STOX2: variants seen among roughly 807,000 people sequenced by gnomAD.
STOX2 encodes storkhead-box protein 2.
A neutral mutation model predicts 60.9 loss-of-function variants in STOX2; 28 were observed. The ratio of observed to expected loss-of-function variants is 0.46; its 90% CI spans 0.34 to 0.63. The LOEUF (loss-of-function observed/expected upper bound fraction) is 0.63. Among genes scored for constraint, STOX2 ranks in the 30% least tolerant of loss-of-function variants. STOX2 has a pLI of 0.01. For synonymous variants in STOX2, 472 were observed against 463.9 expected (o/e 1.02, Z -0.22); for missense variants, 1,024 against 1,187.7 (o/e 0.86, Z 2.03).
At chr4:183,852,747 T>A (rs79725557) in intron 1 of STOX2, among the ~76,000 whole-genome samples, 1,640 of 152,346 alleles carry the variant, frequency 0.011, 26 homozygotes, top group African/African-American at 0.033. Flanking sequence ...GAAATTAATT[T>A]AAACCTATTT....
intron 1 of STOX2, among the ~76,000 whole-genome samples, chr4:183,822,446 C>A (rs565542734): frequency 8.5e-5 from 13 of 152,294 alleles, no homozygotes; most frequent in African/African-American, 2.4e-4. Flanking sequence ...TATACACTCA[C>A]CATCATGTAG....
chr4:183,905,500 C>T lies in STOX2; in HGVS notation c.-1291C>T, dbSNP rs906602599. 1 of 152,260 alleles carries T rather than the reference C, an allele frequency of 6.6e-6. No homozygotes were observed. The highest frequency in any genetic ancestry group is 2.1e-4 in the South Asian group (1 of 4,834). The allele number at this position is 152,260 out of a possible 1,614,324, so 9.4% of individuals were successfully genotyped here. A position where few individuals can be genotyped will look rare whatever the true frequency, so the allele number is the denominator to read the frequency against. ...TGTGGGGGAGCTCGCCGTGGCCTCCCCTCCCTCTGGCTTTAGCTTCCTTTG... is the reference window on the plus strand; with the variant it reads ...TGTGGGGGAGCTCGCCGTGGCCTCCTCTCCCTCTGGCTTTAGCTTCCTTTG... On this transcript the variant is annotated 5_prime_UTR_variant, in exon 1 of 4. Coordinates refer to ENST00000308497, the MANE Select transcript of STOX2 (RefSeq NM_020225.3).
chr4:183,957,660 G>T (rs768035074), intron 1 of STOX2, among the ~76,000 whole-genome samples: 15 of 152,164 alleles, frequency 9.9e-5, no homozygotes, highest in African/African-American at 3.6e-4. Context: ...TCTTGTCCCC[G>T]TGTCTTTTGA....
chr4:183,834,610 C>T (rs1739657956), intron 1 of STOX2, among the ~76,000 whole-genome samples: 1 of 152,126 alleles, frequency 6.6e-6, no homozygotes, highest in Non-Finnish European at 1.5e-5. Context: ...TATATATTCC[C>T]CAGTTGTCGC....
chr4:183,803,589 C>T lies in STOX2; in HGVS notation c.364+5534C>T, dbSNP rs540176397. Among the ~76,000 whole-genome samples the T allele has an allele frequency of 5.3e-5, 8 of 152,296 alleles. No individual in the cohort carries two copies. In the South Asian group the frequency reaches 1.7e-3, roughly 32 times the overall value. ...ACCAGTTCCTGGGATGTGTTCTAGGCACTGAAGTGGAGAACAAGTCAGATA... is the reference window on the plus strand; with the variant it reads ...ACCAGTTCCTGGGATGTGTTCTAGGTACTGAAGTGGAGAACAAGTCAGATA... On this transcript the variant is annotated intron_variant, in intron 1 of 2. Coordinates refer to the STOX2 transcript ENST00000513034.
rs907956733 is a variant in STOX2, at chr4:184,009,066, C to T, written c.320-92C>T. Reference sequence around the variant, plus strand: ...GCATCCTAGCTCTGTGATGGTACTTCGCATCTTGGCGAATGAATAGGATCC... The same window carrying T: ...GCATCCTAGCTCTGTGATGGTACTTTGCATCTTGGCGAATGAATAGGATCC... On this transcript the variant is annotated intron_variant, in intron 2 of 3. Transcript: ENST00000308497. This position sits in a 1 kb window ranked among gnomAD's most constrained non-coding sequence, Gnocchi z 4.0. 8 of 990,094 alleles carry T rather than the reference C, an allele frequency of 8.1e-6. No homozygotes were observed. The Admixed American group carries it at 1.2e-4, about 15-fold the overall frequency. 61.3% of individuals were successfully genotyped at this position (990,094 alleles called of 1,614,324 possible).
In STOX2 at chr4:183,865,745, G is replaced by A. The variant is rs933862307; in HGVS notation, c.364+67690G>A. On this transcript the variant is annotated intron_variant, in intron 1 of 2. Transcript: ENST00000513034. This position sits in a 1 kb window ranked among gnomAD's most constrained non-coding sequence, Gnocchi z 4.1. Reference sequence around the variant, plus strand: ...TGACGGAGGTTGCAAGGAGGGGAACGAAATGGCATGAACACAGGCTAGAAG... The same window carrying A: ...TGACGGAGGTTGCAAGGAGGGGAACAAAATGGCATGAACACAGGCTAGAAG... 6.6e-6 allele frequency among the ~76,000 whole-genome samples: 1 copy of A among 152,126 alleles called. No homozygotes were observed. Among genetic ancestry groups the A allele is most frequent in the Non-Finnish European group, 1.5e-5 (1 of 68,016 alleles).
intron 1 of STOX2, among the ~76,000 whole-genome samples, chr4:183,819,313 C>T (rs1423102240): frequency 6.6e-6 from 1 of 152,038 alleles, no homozygotes. Context: ...GAGGCCGAGG[C>T]TAGCAGATCA....
chr4:183,885,452 G>A (rs1022317150), intron 1 of STOX2, among the ~76,000 whole-genome samples: 3 of 152,190 alleles, frequency 2.0e-5, no homozygotes, highest in Admixed American at 2.0e-4. Flanking sequence ...TCCTGCCTGT[G>A]GCCTCCTTGC....
intron 1 of STOX2, among the ~76,000 whole-genome samples, chr4:183,959,309 A>G (rs1448867910): frequency 6.6e-6 from 1 of 152,218 alleles, no homozygotes; most frequent in African/African-American, 2.4e-5. Context: ...AACGCCAGTT[A>G]GGAAGGTCTA....
At chr4:183,917,011 T>C (rs1290279841) in intron 1 of STOX2, among the ~76,000 whole-genome samples, 1 of 152,234 alleles carries the variant, frequency 6.6e-6, no homozygotes, top group Admixed American at 6.5e-5. Flanking sequence ...CATTTTCTTG[T>C]CTGACCCTCT....
intron 1 of STOX2, among the ~76,000 whole-genome samples, chr4:183,986,360 G>A (rs1156479195): frequency 1.3e-5 from 2 of 152,324 alleles, no homozygotes; most frequent in East Asian, 1.9e-4. Flanking sequence ...GTGACAGATA[G>A]TCCAGGACAG....
At chr4:183,850,587 G>A (rs1397202544) in intron 1 of STOX2, among the ~76,000 whole-genome samples, 1 of 151,980 alleles carries the variant, frequency 6.6e-6, no homozygotes, top group African/African-American at 2.4e-5. Context: ...AAATTAGCTG[G>A]GCTTGGTGGC....
At chr4:183,818,231 G>A (rs535821224) in intron 1 of STOX2, among the ~76,000 whole-genome samples, 64 of 152,142 alleles carry the variant, frequency 4.2e-4, no homozygotes, top group Non-Finnish European at 7.8e-4. Context: ...TTCCTAGGCA[G>A]AGGACCCTGC....
intron 1 of STOX2, among the ~76,000 whole-genome samples, chr4:183,851,081 AGAAAGGATGAGGGAAACGATGAGG>A (rs1740115853): frequency 3.4e-5 from 2 of 59,400 alleles, no homozygotes; most frequent in Admixed American, 1.9e-4. Flanking sequence ...AAAGGATGAG[AGAAAGGATGAGGGAAACGATGAGG>A]GAAACGATGA....
chr4:183,956,337 A>T (rs774166881), intron 1 of STOX2, among the ~76,000 whole-genome samples: 7 of 152,146 alleles, frequency 4.6e-5, no homozygotes, highest in Non-Finnish European at 1.0e-4. Flanking sequence ...TAGATTTACT[A>T]ATTGTTAACA....
intron 1 of STOX2, among the ~76,000 whole-genome samples, chr4:183,985,943 T>G (rs1483057034): frequency 6.6e-6 from 1 of 152,126 alleles, no homozygotes; most frequent in Admixed American, 6.5e-5. Flanking sequence ...TTGGGTGGAT[T>G]TATATCCAAC....
rs1269787038 is a variant in STOX2 at position 183,857,340 on chromosome 4, C to T, written c.364+59285C>T. ...CTGCAGTACTGGTTATCCCATAGGA[C>T]TGGTTGCCTCGTAGGACTGGTCATC... On this transcript the variant is annotated intron_variant, in intron 1 of 2. Transcript: ENST00000513034. 4.2e-3 allele frequency among the ~76,000 whole-genome samples: 504 copies of T among 120,882 alleles called. 2 individuals are homozygous for T. The highest frequency in any genetic ancestry group is 0.013 in the African/African-American group (449 of 34,686). 79.3% of individuals were successfully genotyped at this position (120,882 alleles called of 152,430 possible). A position where few individuals can be genotyped will look rare whatever the true frequency, so the allele number is the denominator to read the frequency against.
Position 183,841,179 on chromosome 4 carries a change from GTATTTATT to G in STOX2, c.364+43160_364+43167del, listed in dbSNP as rs1553967298. 2.4e-3 allele frequency among the ~76,000 whole-genome samples: 355 copies of G among 147,994 alleles called. 2 individuals carry two copies. Among genetic ancestry groups the G allele is most frequent in the South Asian group, 5.6e-3 (26 of 4,646 alleles). ...CACGCCCGGTTCAGTTTTCATCGTA[GTATTTATT>G]TATTTATTTATTTATTTATTTATTT... On this transcript the variant is annotated intron_variant, in intron 1 of 2. Transcript: ENST00000513034.
Sources: gnomAD v4.1 joint callset for allele counts (sites outside exome capture counted in the v4.1 genomes callset) on GRCh38, gnomAD v4.1.1 for gene constraint, Gnocchi (gnomAD v3.1) non-coding constraint, MANE v1.5 for transcripts, NCBI Gene and HGNC (gene_info 2026-07-23, HGNC 2026-07-21) for gene names.